SPTB: variants seen among roughly 807,000 people sequenced by gnomAD.
SPTB encodes spectrin beta chain, erythrocytic.
A neutral mutation model predicts 256.2 loss-of-function variants in SPTB; 45 were observed. The ratio of observed to expected loss-of-function variants is 0.18; its 90% confidence interval spans 0.14 to 0.23. The LOEUF is 0.23. Among genes scored for constraint, SPTB ranks in the 10% least tolerant of loss-of-function variants. The pLI, the probability that SPTB is intolerant of heterozygous loss-of-function variation, is 1.00. For missense variants in SPTB, 2,715 were observed against 3,040.4 expected, an observed-to-expected ratio of 0.89 and a Z score of 2.52; for synonymous variants, 1,231 against 1,243.1, an observed-to-expected ratio of 0.99 and a Z score of 0.21.
At chr14:64,763,926 G>C in intron 32 of SPTB, 1 of 516,386 alleles carries the variant, frequency 1.9e-6, no homozygotes, top group South Asian at 1.4e-5. Flanking sequence ...GAGGACTGGG[G>C]TGGGGTGCCA....
Position 64,827,692 on chromosome 14 carries a change from A to G in SPTB, c.-51-4547T>C, listed in dbSNP as rs1462815283. 6.6e-6 allele frequency among the ~76,000 whole-genome samples: 1 copy of G among 152,238 alleles called. No individual in the cohort carries two copies. Among genetic ancestry groups the G allele is most frequent in the African/African-American group, 2.4e-5 (1 of 41,462 alleles). ...TGTGCACACACTCACTAGAATGAGAAGCAATAAGACGTGCAGTGCAGAATA... is the reference window on the plus strand; with the variant it reads ...TGTGCACACACTCACTAGAATGAGAGGCAATAAGACGTGCAGTGCAGAATA... On this transcript the variant is annotated intron_variant, in intron 1 of 35. Coordinates refer to ENST00000644917, the MANE Select transcript of SPTB (RefSeq NM_001355436.2). The surrounding 1 kb of genome is among the most constrained non-coding windows in gnomAD (Gnocchi z 4.6).
chr14:64,795,592 C>T lies in SPTB; in HGVS notation c.1389G>A (p.Lys463=), dbSNP rs201483499. 3.1e-5 allele frequency: 50 copies of T among 1,614,116 alleles called. No individual in the cohort carries two copies. The African/African-American group carries it at 5.3e-4, about 17-fold the overall frequency. ...CCGTGTCGGTCTCGATGGCCTCATGCTTCTTCTTGGCGGCCTCCACAGCTG... is the reference window on the plus strand; with the variant it reads ...CCGTGTCGGTCTCGATGGCCTCATGTTTCTTCTTGGCGGCCTCCACAGCTG... ...DLAAVEAAKK[K]HEAIETDTAA... The change falls in exon 12 of 36, where the codon AAG becomes AAA. Residue 463 remains lysine, a synonymous_variant. Coordinates refer to ENST00000644917, the MANE Select transcript of SPTB (RefSeq NM_001355436.2). The surrounding 1 kb of genome is among the most constrained non-coding windows in gnomAD (Gnocchi z 6.5).
Position 64,844,420 on chromosome 14 carries a change from A to C in SPTB, c.-51-21275T>G, listed in dbSNP as rs2139760412. ...AGTGAGTACTTAGAACATGTGAGGCACCATGCTAAGTGCCTGACATACATA... is the reference window on the plus strand; with the variant it reads ...AGTGAGTACTTAGAACATGTGAGGCCCCATGCTAAGTGCCTGACATACATA... On this transcript the variant is annotated intron_variant, in intron 1 of 35. Transcript: ENST00000644917. This position sits in a 1 kb window ranked among gnomAD's most constrained non-coding sequence, Gnocchi z 4.1. 6.6e-6 allele frequency among the ~76,000 whole-genome samples: 1 copy of C among 152,328 alleles called. No homozygotes were observed. Among genetic ancestry groups the C allele is most frequent in the East Asian group, 1.9e-4 (1 of 5,192 alleles).
At position 64,823,501 on chromosome 14, in the gene SPTB, G is replaced by A. The variant is rs1363593992; in HGVS notation, c.-51-356C>T. On this transcript the variant is annotated intron_variant, in intron 1 of 35. Transcript: ENST00000644917. This position sits in a 1 kb window ranked among gnomAD's most constrained non-coding sequence, Gnocchi z 6.5. The stretch of plus-strand genomic sequence containing the variant: ...GAAGCTCTCCTGGGAGCCAGAGGCA[G>A]CAGGGCACAAGCTGGGGAAAGCAAC... 6.6e-6 allele frequency among the ~76,000 whole-genome samples: 1 copy of A among 152,202 alleles called. No individual in the cohort carries two copies. Among genetic ancestry groups the A allele is most frequent in the African/African-American group, 2.4e-5 (1 of 41,452 alleles).
rs182745580 is a variant in SPTB at position 64,753,743 on chromosome 14, C to T, written c.6396G>A (p.Pro2132=). Residue 2132 remains proline (P), a synonymous_variant, in exon 33 of 36, where the codon CCG becomes CCA. Transcript: ENST00000644917. ...ATTTCTGCCCATCCTTGTGCTGACCCGGCGGTGGTGGCTGCTGCAGGTTCT... is the reference window on the plus strand; with the variant it reads ...ATTTCTGCCCATCCTTGTGCTGACCTGGCGGTGGTGGCTGCTGCAGGTTCT... ...WPQNLQQPPP[P]GQHKDGQKST... 8.9e-5 allele frequency: 144 copies of T among 1,613,752 alleles called. No homozygotes were observed. Among genetic ancestry groups the T allele is most frequent in the Middle Eastern group, 4.9e-4 (3 of 6,062 alleles).
chr14:64,844,268 G>A lies in SPTB; in HGVS notation c.-51-21123C>T, dbSNP rs562300127. Among the ~76,000 whole-genome samples, 15 of 152,112 alleles carry A rather than the reference G, an allele frequency of 9.9e-5. No individual in the cohort carries two copies. The highest frequency in any genetic ancestry group is 2.1e-4 in the South Asian group (1 of 4,818). On this transcript the variant is annotated intron_variant, in intron 1 of 35. Transcript: ENST00000644917. The surrounding 1 kb of genome is among the most constrained non-coding windows in gnomAD (Gnocchi z 4.1). ...TACCCTTGACTGCCAGCAAATGCAC[G>A]TCCTCAGTTGTGAATTATCCACCTA...
At chr14:64,800,728 G>A (rs767831009) in intron 8 of SPTB, 28 bp downstream of exon 8, 5 of 1,588,656 alleles carry the variant, frequency 3.1e-6, no homozygotes, top group Non-Finnish European at 4.3e-6. Flanking sequence ...GGGGAAGAGT[G>A]ACACTTTGGT....
intron 1 of SPTB, among the ~76,000 whole-genome samples, chr14:64,857,736 CTATT>C (rs1254753965): frequency 6.6e-6 from 1 of 152,020 alleles, no homozygotes; most frequent in Non-Finnish European, 1.5e-5. Context: ...ATTAATTACT[CTATT>C]TACTATTGCT....
Position 64,774,625 on chromosome 14 carries a change from G to A in SPTB, c.4843-98C>T. ...ACTCCTGGAGGTGCCCGAGGGAGGA[G>A]GGGAGTAGGCTTGTGGGACACCCGC... On this transcript the variant is annotated intron_variant, in intron 23 of 35. Transcript: ENST00000644917. 6 of 1,526,040 alleles carry A rather than the reference G, an allele frequency of 3.9e-6. 1 individual carries two copies. In the South Asian group the frequency reaches 6.0e-5, roughly 15 times the overall value. The allele number at this position is 1,526,040 out of a possible 1,614,324, so 94.5% of individuals were successfully genotyped here. A position where few individuals can be genotyped will look rare whatever the true frequency, so the allele number is the denominator to read the frequency against.
At position 64,751,927 on chromosome 14, in the gene SPTB, C is replaced by CAAAAAAA. The variant is rs374561563; in HGVS notation, c.6602+1603_6602+1609dup. On this transcript the variant is annotated intron_variant, in intron 33 of 35. Coordinates refer to ENST00000644917, the MANE Select transcript of SPTB (RefSeq NM_001355436.2). ...TGAAACCCCATTTCTACTAAAAATG[C>CAAAAAAA]AAAAAAAAAAAAAAAAATTAGCCAG... Among the ~76,000 whole-genome samples the CAAAAAAA allele has an allele frequency of 6.4e-4, 46 of 71,942 alleles. 1 individual carries two copies. Among genetic ancestry groups the CAAAAAAA allele is most frequent in the African/African-American group, 2.4e-3 (42 of 17,506 alleles). 47.2% of individuals were successfully genotyped at this position (71,942 alleles called of 152,430 possible).
At chr14:64,822,402 A>AGAGCAAGAGAGAGAGAGGGTGGGGGTG (rs2083308810) in intron 2 of SPTB, among the ~76,000 whole-genome samples, 1 of 137,026 alleles carries the variant, frequency 7.3e-6, no homozygotes, top group Non-Finnish European at 1.6e-5. Context: ...ACACACACAC[A>AGAGCAAGAGAGAGAGAGGGTGGGGGTG]GAGAGATCTA....
chr14:64,749,473 C>A lies in SPTB; in HGVS notation c.6820G>T (p.Glu2274Ter), dbSNP rs747990413. The A allele has an allele frequency of 1.2e-6, 2 of 1,600,056 alleles. No individual in the cohort carries two copies. Among genetic ancestry groups the A allele is most frequent in the East Asian group, 2.2e-5 (1 of 44,800 alleles). Residue 2274 changes from glutamate to a stop codon, truncating the protein, a stop_gained and splice_region_variant, in exon 36 of 36, where the codon GAG becomes TAG. Transcript: ENST00000644917. LOFTEE classifies it high-confidence loss of function. This position sits in a 1 kb window ranked among gnomAD's most constrained non-coding sequence, Gnocchi z 4.7. ...CCCTGCAGCCAGGACAGCATCTCCTCCTGCGGGGCGGAGGGTCACGGTGGA... is the reference window on the plus strand; with the variant it reads ...CCCTGCAGCCAGGACAGCATCTCCTACTGCGGGGCGGAGGGTCACGGTGGA... ...SEWLFHGKDE[E>*]EMLSWLQGVS...
chr14:64,786,279 T>A lies in SPTB; in HGVS notation c.3561+125A>T. 7.5e-7 allele frequency: 1 copy of A among 1,329,622 alleles called. No homozygotes were observed. 82.4% of individuals were successfully genotyped at this position (1,329,622 alleles called of 1,614,324 possible). ...TAATGAGAAACAAAGATTTCCCCCA[T>A]GAGTGAATACAGAGTACAAGACAAG... is the stretch of plus-strand genomic sequence containing the variant. On this transcript the variant is annotated intron_variant, in intron 16 of 35. Transcript: ENST00000644917. The surrounding 1 kb of genome is among the most constrained non-coding windows in gnomAD (Gnocchi z 5.6).
At chr14:64,797,175 A>G (rs2082786216) in intron 10 of SPTB, among the ~76,000 whole-genome samples, 1 of 152,174 alleles carries the variant, frequency 6.6e-6, no homozygotes. Context: ...ACTGGCTCCA[A>G]AAAAATGGAC....
chr14:64,764,542 T>C lies in SPTB; in HGVS notation c.6345+2184A>G, dbSNP rs2082138190. Among the ~76,000 whole-genome samples the C allele has an allele frequency of 6.6e-6, 1 of 152,210 alleles. No homozygotes were observed. ...CTCACTTCTTCCCCCAAAGAGATCA[T>C]CAGGTCCAAACAGGTTTTATTCCCC... On this transcript the variant is annotated intron_variant, in intron 32 of 35. Coordinates refer to ENST00000644917, the MANE Select transcript of SPTB (RefSeq NM_001355436.2). The surrounding 1 kb of genome is among the most constrained non-coding windows in gnomAD (Gnocchi z 4.2).
intron 2 of SPTB, among the ~76,000 whole-genome samples, chr14:64,817,336 C>T (rs2139681777): frequency 6.6e-6 from 1 of 152,332 alleles, no homozygotes; most frequent in African/African-American, 2.4e-5. Context: ...CAATTTTTTT[C>T]CCTCTGACAT....
intron 1 of SPTB, among the ~76,000 whole-genome samples, chr14:64,859,716 CTCTCTATATATATA>C (rs1479287176): frequency 9.8e-4 from 122 of 124,868 alleles, no homozygotes; most frequent in African/African-American, 4.7e-3. Flanking sequence ...CTCTCTCTCT[CTCTCTATATATATA>C]TATATATGCA....
Position 64,778,424 on chromosome 14 carries a change from GTC to G in SPTB, c.4563+731_4563+732del, listed in dbSNP as rs2082399396. On this transcript the variant is annotated intron_variant, in intron 22 of 35. Transcript: ENST00000644917. This position sits in a 1 kb window ranked among gnomAD's most constrained non-coding sequence, Gnocchi z 5.2. Reference sequence around the variant, plus strand: ...GACCCAGAGAGCATGCAGAGGGAGGGTCTCTCTGTCCAAGAAGGGTCTGTGGC... The same window carrying G: ...GACCCAGAGAGCATGCAGAGGGAGGGTCTCTGTCCAAGAAGGGTCTGTGGC... Among the ~76,000 whole-genome samples the G allele has an allele frequency of 2.0e-5, 3 of 152,140 alleles. No individual in the cohort carries two copies. Among genetic ancestry groups the G allele is most frequent in the South Asian group, 4.1e-4 (2 of 4,826 alleles).
chr14:64,815,138 C>G (rs1402041929), intron 2 of SPTB, among the ~76,000 whole-genome samples: 1 of 152,130 alleles, frequency 6.6e-6, no homozygotes, highest in Non-Finnish European at 1.5e-5. Context: ...AGGTACAGAA[C>G]AGCCCGGAGG....
Sources: gnomAD v4.1 joint callset for allele counts (sites outside exome capture counted in the v4.1 genomes callset) on GRCh38, gnomAD v4.1.1 for gene constraint, Gnocchi (gnomAD v3.1) non-coding constraint, MANE v1.5 for transcripts, NCBI Gene and HGNC (gene_info 2026-07-23, HGNC 2026-07-21) for gene names.